Variants in N4BP1 observed in about 807,000 individuals in gnomAD.
The protein encoded by N4BP1 is NEDD4 binding protein 1.
Under a neutral mutation model 70.9 loss-of-function variants are expected in N4BP1, and 21 were observed. The observed-to-expected ratio is 0.30, with a 90% CI of 0.21 to 0.43. The LOEUF is 0.43. N4BP1 is among the 20% of genes least tolerant of loss of function. N4BP1 has a pLI of 1.00. For synonymous variants in N4BP1, 387 were observed against 394.6 expected (o/e 0.98, Z 0.23); for missense variants, 936 against 1,069.4 (o/e 0.88, Z 1.74).
At chr16:48,580,335 G>A (rs941142690) in intron 1 of N4BP1, among the ~76,000 whole-genome samples, 2 of 152,072 alleles carry the variant, frequency 1.3e-5, no homozygotes, top group Non-Finnish European at 2.9e-5. Flanking sequence ...TAACTCAGAA[G>A]AAATGGATAA....
intron 1 of N4BP1, among the ~76,000 whole-genome samples, chr16:48,581,248 T>C (rs916572069): frequency 3.4e-4 from 49 of 145,084 alleles, no homozygotes; most frequent in Admixed American, 3.4e-3. Flanking sequence ...CTTTTCATGA[T>C]AAAAAAAAAA....
intron 1 of N4BP1, among the ~76,000 whole-genome samples, chr16:48,593,668 C>G (rs1393664414): frequency 2.0e-5 from 3 of 152,122 alleles, no homozygotes; most frequent in Admixed American, 6.5e-5. Context: ...AAGAATCTTA[C>G]CTTATGGTCA....
intron 4 of N4BP1, among the ~76,000 whole-genome samples, chr16:48,549,893 G>GT (rs1963641413): frequency 6.6e-6 from 1 of 152,196 alleles, no homozygotes; most frequent in Non-Finnish European, 1.5e-5. Flanking sequence ...GAAAACACCA[G>GT]GGTTGTTGTT....
intron 1 of N4BP1, among the ~76,000 whole-genome samples, chr16:48,590,791 GC>G (rs1964324932): frequency 1.3e-5 from 2 of 152,182 alleles, no homozygotes. Flanking sequence ...TGGTTCCATA[GC>G]CCCATGGTGT....
At chr16:48,590,480 T>C (rs1259969626) in intron 1 of N4BP1, among the ~76,000 whole-genome samples, 1 of 152,144 alleles carries the variant, frequency 6.6e-6, no homozygotes, top group African/African-American at 2.4e-5. Context: ...GTGAACCTGT[T>C]GGTTGGTTAC....
chr16:48,551,519 G>A (rs956203721), intron 3 of N4BP1, 37 bp from the exon 4 acceptor site: 2 of 1,419,138 alleles, frequency 1.4e-6, no homozygotes, highest in Non-Finnish European at 9.8e-7. Context: ...ATTCAGAAAA[G>A]GGCTATCTTC....
rs1963446837 is a variant in N4BP1, at chr16:48,539,009, T to G, written c.*3895A>C. 1 of 152,102 alleles carries G rather than the reference T, an allele frequency of 6.6e-6. No homozygotes were observed. The highest frequency in any genetic ancestry group is 1.5e-5 in the Non-Finnish European group (1 of 68,086). 9.4% of individuals were successfully genotyped at this position (152,102 alleles called of 1,614,324 possible). On this transcript the variant is annotated 3_prime_UTR_variant, in exon 7 of 7. Coordinates refer to ENST00000262384, the MANE Select transcript of N4BP1 (RefSeq NM_153029.4). ...GCTGGGCCTTCCAGGAGGGAAGCCA[T>G]TTGGGAGAAGGGCATCTCTAGCGGA... is the stretch of plus-strand genomic sequence containing the variant.
intron 6 of N4BP1, among the ~76,000 whole-genome samples, chr16:48,543,730 A>G (rs2151084060): frequency 6.6e-6 from 1 of 152,262 alleles, no homozygotes; most frequent in South Asian, 2.1e-4. Context: ...CCACACTTGT[A>G]TGCACATGGG....
rs538561641 is a variant in N4BP1 at position 48,580,743 on chromosome 16, T to C, written c.199-18299A>G. 5.9e-5 allele frequency among the ~76,000 whole-genome samples: 9 copies of C among 152,298 alleles called. No individual in the cohort carries two copies. In the South Asian group the frequency reaches 6.2e-4, roughly 11 times the overall value. ...ATCCATGGATTCAACCAACCACAGA[T>C]TGAAAATACTCAGAAAAAAAATTAC... On this transcript the variant is annotated intron_variant, in intron 1 of 6. Coordinates refer to ENST00000262384, the MANE Select transcript of N4BP1 (RefSeq NM_153029.4).
chr16:48,543,333 T>C (rs1415115306), intron 6 of N4BP1, 72 bp from the exon 7 acceptor site: 3 of 1,254,646 alleles, frequency 2.4e-6, no homozygotes, highest in Admixed American at 6.3e-5. Context: ...TTTTAGAAGG[T>C]ACCTGCGGCA....
intron 1 of N4BP1, among the ~76,000 whole-genome samples, chr16:48,569,988 C>A (rs1433921576): frequency 1.3e-5 from 2 of 152,072 alleles, no homozygotes. Flanking sequence ...TGCCTTGTAC[C>A]TCTGCAACTG....
rs1207235370 is a variant in N4BP1, at chr16:48,609,890, T to A, written c.83A>T (p.Glu28Val). 6.8e-7 allele frequency: 1 copy of A among 1,478,254 alleles called. No homozygotes were observed. Among genetic ancestry groups the A allele is most frequent in the Non-Finnish European group, 9.0e-7 (1 of 1,116,762 alleles). The allele number at this position is 1,478,254 out of a possible 1,614,324, so 91.6% of individuals were successfully genotyped here. Residue 28 changes from glutamate to valine, a missense_variant, in exon 1 of 7, where the codon GAG (glutamate) becomes GTG (valine). This residue lies in a region of N4BP1 where 187 missense variants were observed against 217.1 expected (regional missense o/e 0.86). Coordinates refer to ENST00000262384, the MANE Select transcript of N4BP1 (RefSeq NM_153029.4). ...ELLEQSRGRI[E>V]GLFGVSLAVL... ...GGCTAGGCTCACGCCAAACAGGCCC[T>A]CGATACGGCCGCGGCTCTGCTCCAG...
Position 48,580,510 on chromosome 16 carries a change from A to C in N4BP1, c.199-18066T>G, listed in dbSNP as rs960395271. On this transcript the variant is annotated intron_variant, in intron 1 of 6. Coordinates refer to ENST00000262384, the MANE Select transcript of N4BP1 (RefSeq NM_153029.4). ...GAATTCTACCAAACATTTAAAGAAG[A>C]ACTAATGTCAATTCTTCTCAAACTC... Among the ~76,000 whole-genome samples the C allele has an allele frequency of 2.0e-5, 3 of 152,198 alleles. No homozygotes were observed. In the South Asian group the frequency reaches 6.2e-4, roughly 31 times the overall value.
intron 1 of N4BP1, among the ~76,000 whole-genome samples, chr16:48,601,065 G>T (rs1252870547): frequency 2.0e-5 from 3 of 152,218 alleles, no homozygotes; most frequent in African/African-American, 7.2e-5. Context: ...CAATTTGTAT[G>T]ACAATGTCAA....
chr16:48,576,900 T>C (rs76160650), intron 1 of N4BP1, among the ~76,000 whole-genome samples: 1 of 152,280 alleles, frequency 6.6e-6, no homozygotes, highest in East Asian at 1.9e-4. Flanking sequence ...TCCTTTCATC[T>C]TCACACTTTT....
chr16:48,545,800 C>T (rs968868023), intron 6 of N4BP1, among the ~76,000 whole-genome samples: 4 of 151,766 alleles, frequency 2.6e-5, no homozygotes, highest in African/African-American at 7.3e-5. Flanking sequence ...CTGAGGAAGG[C>T]GGATTCCTTG....
Position 48,542,591 on chromosome 16 carries a change from G to C in N4BP1, c.*313C>G, listed in dbSNP as rs989260468. The C allele has an allele frequency of 4.5e-6, 1 of 223,636 alleles. No individual in the cohort carries two copies. Among genetic ancestry groups the C allele is most frequent in the African/African-American group, 2.3e-5 (1 of 44,140 alleles). 13.9% of individuals were successfully genotyped at this position (223,636 alleles called of 1,614,324 possible). A position where few individuals can be genotyped will look rare whatever the true frequency, so the allele number is the denominator to read the frequency against. ...CATTTGTCAATATTTTCGGCTTTAA[G>C]GAAAATAGTTTAAAAAACATAAAAA... On this transcript the variant is annotated 3_prime_UTR_variant, in exon 7 of 7. Coordinates refer to ENST00000262384, the MANE Select transcript of N4BP1 (RefSeq NM_153029.4).
intron 2 of N4BP1, among the ~76,000 whole-genome samples, chr16:48,558,465 G>C (rs9939103): frequency 0.4 from 61,222 of 151,894 alleles, 13,297 homozygotes; most frequent in African/African-American, 0.56. Flanking sequence ...CAAAGTGGGA[G>C]GGACTAGATT....
chr16:48,551,732 T>C (rs1963669037), intron 3 of N4BP1, among the ~76,000 whole-genome samples: 1 of 152,160 alleles, frequency 6.6e-6, no homozygotes, highest in Admixed American at 6.5e-5. Flanking sequence ...TTCTCAAGAA[T>C]AGTAGGCCAG....
Sources: gnomAD v4.1 joint callset for allele counts (sites outside exome capture counted in the v4.1 genomes callset) on GRCh38, gnomAD v4.1.1 for gene constraint, gnomAD v4.1.1 regional missense constraint, MANE v1.5 for transcripts, NCBI Gene and HGNC (gene_info 2026-07-23, HGNC 2026-07-21) for gene names.